SVIL: variants seen among roughly 807,000 people sequenced by gnomAD.
SVIL encodes supervillin, also known as archvillin.
Under a neutral mutation model 240.4 loss-of-function variants are expected in SVIL, and 101 were observed. That is an observed-to-expected ratio of 0.42 (90% CI 0.36 to 0.50). SVIL has a LOEUF of 0.50. SVIL is among the 20% of genes least tolerant of loss of function. The pLI is 0.01. For missense variants in SVIL, 2,512 were observed against 2,818.7 expected (o/e 0.89, Z 2.46); for synonymous variants, 999 against 1,100.0 (o/e 0.91, Z 1.82).
chr10:29,709,051 C>T (rs779567283), intron 1 of SVIL, among the ~76,000 whole-genome samples: 8 of 152,118 alleles, frequency 5.3e-5, no homozygotes, highest in African/African-American at 1.7e-4. Flanking sequence ...AGAGAAGGAA[C>T]CGAAGAAGCC....
At chr10:29,551,897 G>T (rs1953377642) in intron 5 of SVIL, among the ~76,000 whole-genome samples, 2 of 152,110 alleles carry the variant, frequency 1.3e-5, no homozygotes, top group South Asian at 4.1e-4. Context: ...GGTGGCTGGA[G>T]GCCAGGAGTT....
intron 5 of SVIL, among the ~76,000 whole-genome samples, chr10:29,551,833 T>C (rs1368815497): frequency 6.6e-6 from 1 of 152,172 alleles, no homozygotes; most frequent in South Asian, 2.1e-4. Context: ...AATATGAGCC[T>C]GGCATAGTGG....
chr10:29,629,703 C>A lies in SVIL; in HGVS notation c.-201+4717G>T, dbSNP rs147665356. 3.3e-3 allele frequency among the ~76,000 whole-genome samples: 465 copies of A among 139,012 alleles called. 22 individuals carry two copies. The highest frequency in any genetic ancestry group is 0.011 in the African/African-American group (446 of 40,104). The allele number at this position is 139,012 out of a possible 152,430, so 91.2% of individuals were successfully genotyped here. A position where few individuals can be genotyped will look rare whatever the true frequency, so the allele number is the denominator to read the frequency against. ...GCTACTGTAAAAATTAGAGTCCGGG[C>A]GTGGTGGCTCACACCTGTAATCCCA... On this transcript the variant is annotated intron_variant, in intron 1 of 37. Transcript: ENST00000355867.
At chr10:29,506,792 A>G (rs1035306512) in intron 17 of SVIL, among the ~76,000 whole-genome samples, 2 of 134,996 alleles carry the variant, frequency 1.5e-5, no homozygotes, top group Non-Finnish European at 3.3e-5. Flanking sequence ...CAGAGGCCCT[A>G]TGAGGGAGGG....
In SVIL at chr10:29,668,417, A is replaced by T. The variant is rs1374817797; in HGVS notation, c.-300-10349T>A. ...GCTACTGCAATCCAAATGTTTAATT[A>T]TGTTGAAAGTAAGCCAAGGTTACTG... On this transcript the variant is annotated intron_variant, in intron 2 of 35. Coordinates refer to the SVIL transcript ENST00000375400. Among the ~76,000 whole-genome samples, 3 of 152,246 alleles carry T rather than the reference A, an allele frequency of 2.0e-5. No homozygotes were observed. The East Asian group carries it at 5.8e-4, about 29-fold the overall frequency.
chr10:29,591,972 T>C lies in SVIL; in HGVS notation c.-200-22660A>G, dbSNP rs192828650. Among the ~76,000 whole-genome samples, 773 of 152,336 alleles carry C rather than the reference T, an allele frequency of 5.1e-3. 9 individuals carry two copies. Among genetic ancestry groups the C allele is most frequent in the African/African-American group, 0.017 (725 of 41,580 alleles). On this transcript the variant is annotated intron_variant, in intron 1 of 37. Coordinates refer to ENST00000355867, the MANE Select transcript of SVIL (RefSeq NM_021738.3). ...GGGACATAAAGAGGTTTCTCTGGGC[T>C]GGGTGCTGTGGCTCATGCCTGTAAT...
intron 6 of SVIL, among the ~76,000 whole-genome samples, chr10:29,545,291 A>G (rs1434960603): frequency 1.3e-5 from 2 of 152,126 alleles, no homozygotes; most frequent in African/African-American, 4.8e-5. Flanking sequence ...TTGTTACAGA[A>G]GCTGCATTCC....
intron 1 of SVIL, among the ~76,000 whole-genome samples, chr10:29,689,604 A>C (rs1394012690): frequency 2.0e-5 from 3 of 152,200 alleles, no homozygotes; most frequent in Non-Finnish European, 4.4e-5. Context: ...TTCATACTGC[A>C]TACTGCAATG....
intron 2 of SVIL, among the ~76,000 whole-genome samples, chr10:29,672,627 T>C (rs1179594144): frequency 1.3e-5 from 2 of 152,226 alleles, no homozygotes; most frequent in Non-Finnish European, 2.9e-5. Context: ...AGGCAATTAA[T>C]AATGTTTATT....
At chr10:29,678,194 T>C (rs891238219) in intron 2 of SVIL, among the ~76,000 whole-genome samples, 3 of 152,004 alleles carry the variant, frequency 2.0e-5, no homozygotes, top group Non-Finnish European at 4.4e-5. Context: ...TTTATTATTA[T>C]TACATTGTAA....
chr10:29,715,490 T>G (rs1963562107), intron 1 of SVIL, among the ~76,000 whole-genome samples: 2 of 152,202 alleles, frequency 1.3e-5, no homozygotes, highest in South Asian at 2.1e-4. Flanking sequence ...CAAGCCAGAT[T>G]GCTCTTGAGT....
At position 29,659,231 on chromosome 10, in the gene SVIL, G is replaced by T. The variant is rs1015980687; in HGVS notation, c.-300-1163C>A. On this transcript the variant is annotated intron_variant, in intron 2 of 35. Coordinates refer to the SVIL transcript ENST00000375400. ...CTGGGAGAGGTCCCCAACACAGAAG[G>T]CTCCAGCCCTGCAATCCCAGACTAC... is the stretch of plus-strand genomic sequence containing the variant. 6.5e-4 allele frequency among the ~76,000 whole-genome samples: 99 copies of T among 152,264 alleles called. 1 individual carries two copies. The highest frequency in any genetic ancestry group is 2.1e-3 in the African/African-American group (86 of 41,552).
intron 1 of SVIL, among the ~76,000 whole-genome samples, chr10:29,597,907 A>G (rs1956659853): frequency 6.6e-6 from 1 of 152,072 alleles, no homozygotes; most frequent in Admixed American, 6.6e-5. Context: ...GGCTTGTGAC[A>G]AAAGAATTAA....
At chr10:29,709,630 CAGCAGCT>C (rs1347995928) in intron 1 of SVIL, among the ~76,000 whole-genome samples, 1 of 152,186 alleles carries the variant, frequency 6.6e-6, no homozygotes, top group Non-Finnish European at 1.5e-5. Context: ...CTTGTGCCTG[CAGCAGCT>C]AGCAGCCTGT....
chr10:29,731,597 C>T (rs932483190), intron 1 of SVIL, among the ~76,000 whole-genome samples: 18 of 152,106 alleles, frequency 1.2e-4, no homozygotes, highest in African/African-American at 4.3e-4. Flanking sequence ...AATATAAAAG[C>T]AGCCTAAGGT....
intron 5 of SVIL, among the ~76,000 whole-genome samples, chr10:29,553,490 A>G (rs1221863685): frequency 2.0e-5 from 3 of 152,158 alleles, no homozygotes; most frequent in Non-Finnish European, 1.5e-5. Context: ...CTGAGGCAGG[A>G]GAATCGCTTA....
intron 16 of SVIL, among the ~76,000 whole-genome samples, chr10:29,515,261 G>C (rs951314521): frequency 3.3e-5 from 5 of 152,146 alleles, no homozygotes; most frequent in African/African-American, 1.2e-4. Flanking sequence ...CATGCTACAA[G>C]AGCTAGTTCA....
At chr10:29,463,691 G>C (rs892417227) in intron 34 of SVIL, 56 bp from the exon 35 acceptor site, 1 of 1,587,836 alleles carries the variant, frequency 6.3e-7, no homozygotes, top group African/African-American at 1.3e-5. Flanking sequence ...GACACTTCTA[G>C]CTCACTCCTC....
chr10:29,560,766 T>C (rs2132685029), intron 3 of SVIL, among the ~76,000 whole-genome samples: 1 of 152,124 alleles, frequency 6.6e-6, no homozygotes, highest in South Asian at 2.1e-4. Context: ...TGCCTATTTT[T>C]TTCATAAAAA....
Sources: gnomAD v4.1 joint callset for allele counts (sites outside exome capture counted in the v4.1 genomes callset) on GRCh38, gnomAD v4.1.1 for gene constraint, MANE v1.5 for transcripts, NCBI Gene and HGNC (gene_info 2026-07-23, HGNC 2026-07-21) for gene names.